EDNRA: variants seen among roughly 807,000 people sequenced by gnomAD.
EDNRA encodes endothelin receptor type A, also known as endothelin-1 receptor.
Under a neutral mutation model 41.4 loss-of-function variants are expected in EDNRA, and 11 were observed. That is an observed-to-expected ratio of 0.27 (90% CI 0.17 to 0.44). The LOEUF (loss-of-function observed/expected upper bound fraction) is 0.44. Among genes scored for constraint, EDNRA ranks in the 20% least tolerant of loss-of-function variants. EDNRA has a pLI of 1.00. For missense variants in EDNRA, 294 were observed against 531.0 expected (o/e 0.55, Z 4.39); for synonymous variants, 172 against 183.0 (o/e 0.94, Z 0.49).
intron 3 of EDNRA, among the ~76,000 whole-genome samples, chr4:147,524,536 A>G (rs1267712716): frequency 1.3e-5 from 2 of 152,104 alleles, no homozygotes; most frequent in East Asian, 1.9e-4. Flanking sequence ...GAAAAGAAAA[A>G]AAAGAAAAGA....
intron 2 of EDNRA, among the ~76,000 whole-genome samples, chr4:147,500,202 A>C (rs6840756): frequency 0.42 from 63,493 of 152,022 alleles, 15,144 homozygotes; most frequent in African/African-American, 0.66. Context: ...TTGAATTACA[A>C]GATCATAACT....
chr4:147,542,397 T>C (rs1731136478), intron 7 of EDNRA, 81 bp from the exon 8 acceptor site: 1 of 1,580,360 alleles, frequency 6.3e-7, no homozygotes, highest in African/African-American at 1.3e-5. Flanking sequence ...TTGCCCCTCA[T>C]TAGCATGGCC....
intron 3 of EDNRA, chr4:147,520,436 A>T (rs1341165335): frequency 1.9e-6 from 1 of 519,106 alleles, no homozygotes; most frequent in East Asian, 5.4e-5. Flanking sequence ...GAAATGTTTC[A>T]TAAGTTTTAA....
chr4:147,497,286 C>T (rs1729338368), intron 2 of EDNRA, among the ~76,000 whole-genome samples: 2 of 151,330 alleles, frequency 1.3e-5, no homozygotes, highest in Middle Eastern at 3.4e-3. Flanking sequence ...CATGAGCCAC[C>T]ATGCCTGGCC....
intron 6 of EDNRA, 32 bp from the exon 7 acceptor site, chr4:147,540,345 T>G: frequency 6.7e-7 from 1 of 1,483,612 alleles, no homozygotes; most frequent in Non-Finnish European, 9.3e-7. Flanking sequence ...CAATATATTC[T>G]AATTATTCTA....
At chr4:147,528,340 T>G (rs971105030) in intron 3 of EDNRA, among the ~76,000 whole-genome samples, 2 of 151,298 alleles carry the variant, frequency 1.3e-5, no homozygotes, top group African/African-American at 4.9e-5. Context: ...TTTTTCACTT[T>G]TTTCTTTTCT....
chr4:147,537,923 A>G (rs1730971016), intron 5 of EDNRA, among the ~76,000 whole-genome samples: 1 of 152,152 alleles, frequency 6.6e-6, no homozygotes, highest in South Asian at 2.1e-4. Context: ...AGCATAGAGC[A>G]CAAAACCTTG....
intron 2 of EDNRA, among the ~76,000 whole-genome samples, chr4:147,504,529 A>T (rs1250531650): frequency 1.3e-5 from 2 of 152,220 alleles, no homozygotes; most frequent in African/African-American, 4.8e-5. Flanking sequence ...TATATTAAAA[A>T]TTTGTAATTT....
At chr4:147,507,720 G>C (rs1280351530) in intron 2 of EDNRA, among the ~76,000 whole-genome samples, 3 of 152,138 alleles carry the variant, frequency 2.0e-5, no homozygotes, top group Non-Finnish European at 2.9e-5. Flanking sequence ...AATATTGGTA[G>C]ATTATATCAA....
chr4:147,493,425 C>A (rs898503104), intron 2 of EDNRA: 1 of 151,850 alleles, frequency 6.6e-6, no homozygotes, highest in Non-Finnish European at 1.5e-5. Flanking sequence ...AAAGAGTGTG[C>A]AAACTAAAAT....
At chr4:147,505,327 A>ATTTTTTTT (rs869077171) in intron 2 of EDNRA, among the ~76,000 whole-genome samples, 852 of 79,658 alleles carry the variant, frequency 0.011, 81 homozygotes, top group African/African-American at 0.017. Context: ...TTCTTTTTTC[A>ATTTTTTTT]TTTTTTTTTT....
At chr4:147,488,977 G>T (rs931653669) in intron 2 of EDNRA, 1 of 152,178 alleles carries the variant, frequency 6.6e-6, no homozygotes, top group African/African-American at 2.4e-5. Context: ...ATGTAGCTAT[G>T]AAAATAATGC....
At chr4:147,499,931 A>T (rs971321783) in intron 2 of EDNRA, among the ~76,000 whole-genome samples, 1 of 150,228 alleles carries the variant, frequency 6.7e-6, no homozygotes, top group African/African-American at 2.5e-5. Flanking sequence ...CAGCCTCCTG[A>T]GTAGCAGGGA....
At chr4:147,515,968 G>A (rs1021380954) in intron 2 of EDNRA, among the ~76,000 whole-genome samples, 7 of 152,148 alleles carry the variant, frequency 4.6e-5, no homozygotes, top group African/African-American at 1.7e-4. Context: ...CCACACAAAT[G>A]CAAAATTCCT....
At position 147,541,636 on chromosome 4, in the gene EDNRA, A is replaced by G. The variant is rs375940788; in HGVS notation, c.1144-842A>G. Among the ~76,000 whole-genome samples, 3 of 152,340 alleles carry G rather than the reference A, an allele frequency of 2.0e-5. No homozygotes were observed. The East Asian group carries it at 5.8e-4, about 29-fold the overall frequency. On this transcript the variant is annotated intron_variant, in intron 7 of 7. Transcript: ENST00000651419. The stretch of plus-strand genomic sequence containing the variant: ...GGGACAGAGTAGAGAGGAAAAACAC[A>G]GTAACGACCTGCATGGAACTTACAG...
chr4:147,530,612 C>T (rs1188094810), intron 3 of EDNRA, among the ~76,000 whole-genome samples: 2 of 152,136 alleles, frequency 1.3e-5, no homozygotes, highest in African/African-American at 4.8e-5. Context: ...ATATAATATG[C>T]CATGTGGCAT....
chr4:147,530,614 A>C (rs1730709469), intron 3 of EDNRA, among the ~76,000 whole-genome samples: 1 of 152,246 alleles, frequency 6.6e-6, no homozygotes, highest in African/African-American at 2.4e-5. Flanking sequence ...ATAATATGCC[A>C]TGTGGCATCA....
intron 2 of EDNRA, among the ~76,000 whole-genome samples, chr4:147,505,039 C>A (rs184019198): frequency 1.5e-4 from 20 of 136,574 alleles, no homozygotes; most frequent in African/African-American, 5.5e-4. Flanking sequence ...AATGAATAAT[C>A]CAAATAGAAA....
intron 2 of EDNRA, chr4:147,506,501 A>G: frequency 6.4e-6 from 2 of 314,870 alleles, no homozygotes; most frequent in Non-Finnish European, 1.3e-5. Context: ...TTGCTAATCA[A>G]TACAATACTG....
Sources: allele counts gnomAD v4.1 joint callset (sites outside exome capture counted in the v4.1 genomes callset), GRCh38; gene constraint gnomAD v4.1.1; transcripts MANE v1.5; gene names NCBI Gene and HGNC (gene_info 2026-07-23, HGNC 2026-07-21).